Variants in TESPA1 observed in about 807,000 individuals in gnomAD.
TESPA1 encodes the protein thymocyte expressed, positive selection associated 1, also known as protein TESPA1.
A neutral mutation model predicts 57.9 loss-of-function variants in TESPA1; 33 were observed. The ratio of observed to expected loss-of-function variants is 0.57; its 90% CI spans 0.43 to 0.76. The LOEUF (loss-of-function observed/expected upper bound fraction) is 0.76, where lower values mean the gene tolerates loss of function less well. Among genes scored for constraint, TESPA1 ranks in the 30% least tolerant of loss-of-function variants. The pLI is 0.00. For synonymous variants in TESPA1, 227 were observed against 228.9 expected (o/e 0.99, Z 0.07); for missense variants, 618 against 632.9 (o/e 0.98, Z 0.25).
chr12:54,973,702 T>C, intron 2 of TESPA1, 183 bp from the exon 3 acceptor site: 1 of 1,343,122 alleles, frequency 7.4e-7, no homozygotes, highest in African/African-American at 1.5e-5. Context: ...AGATATTTCT[T>C]CTCTCTCTCT....
chr12:54,966,457 T>A (rs376769236), intron 5 of TESPA1, 33 bp from the exon 6 acceptor site: 102 of 1,606,866 alleles, frequency 6.3e-5, no homozygotes, highest in Middle Eastern at 5.0e-4. Context: ...AAGAGCAAAT[T>A]AGAAGGGAAA....
intron 10 of TESPA1, among the ~76,000 whole-genome samples, chr12:54,959,870 C>G (rs569544197): frequency 6.6e-6 from 1 of 152,152 alleles, no homozygotes; most frequent in Non-Finnish European, 1.5e-5. Flanking sequence ...CATATTGATG[C>G]CTTCTGCTAT....
At position 54,951,957 on chromosome 12, in the gene TESPA1, A is replaced by G. The variant is rs141757699; in HGVS notation, c.*2-1567T>C. Among the ~76,000 whole-genome samples, 21 of 144,074 alleles carry G rather than the reference A, an allele frequency of 1.5e-4. No individual in the cohort carries two copies. The East Asian group carries it at 6.6e-3, about 46-fold the overall frequency. 94.5% of individuals were successfully genotyped at this position (144,074 alleles called of 152,430 possible). A position where few individuals can be genotyped will look rare whatever the true frequency, so the allele number is the denominator to read the frequency against. ...TAAGCCTTGAACTCCAAAAAGCTCA[A>G]TTCCTAGATTCCTTTATCCAAACTG... On this transcript the variant is annotated intron_variant, in intron 10 of 10. Coordinates refer to ENST00000449076, the MANE Select transcript of TESPA1 (RefSeq NM_001136030.3).
intron 1 of TESPA1, among the ~76,000 whole-genome samples, chr12:54,980,089 AC>A (rs576688604): frequency 5.9e-5 from 9 of 152,284 alleles, no homozygotes; most frequent in African/African-American, 1.9e-4. Context: ...TTTTCCACTG[AC>A]ATTAGAATAA....
chr12:54,966,840 A>G (rs1450969705), intron 5 of TESPA1, among the ~76,000 whole-genome samples: 1 of 152,140 alleles, frequency 6.6e-6, no homozygotes. Flanking sequence ...TCTATTTTAC[A>G]TCCAATGCAC....
At chr12:54,971,323 T>C (rs1592397426) in intron 3 of TESPA1, among the ~76,000 whole-genome samples, 1 of 152,378 alleles carries the variant, frequency 6.6e-6, no homozygotes, top group East Asian at 1.9e-4. Flanking sequence ...AATACTGTGG[T>C]AATTTAGAAT....
At chr12:54,974,294 G>T in intron 2 of TESPA1, 106 bp downstream of exon 2, 1 of 992,610 alleles carries the variant, frequency 1.0e-6, no homozygotes. Flanking sequence ...AGTCCTCCCT[G>T]AGGGCCTGGC....
intron 1 of TESPA1, among the ~76,000 whole-genome samples, chr12:54,980,210 C>T (rs1488041): frequency 0.22 from 34,046 of 151,962 alleles, 4,859 homozygotes; most frequent in East Asian, 0.68. Context: ...ATCTTATAGT[C>T]TAGTAGAGAA....
In TESPA1 at chr12:54,962,817, C is replaced by T. The variant is rs775487994; in HGVS notation, c.1081G>A (p.Val361Ile). ...TGTGTTTCCTCTTCACAGCAGAAGA[C>T]ACATGGATAGGGAGAAGTGGGCAAC... ...KKLPTSPYPC[V>I]FCCEEETQQR... The change falls in exon 9 of 11, where the codon GTC becomes ATC. Residue 361 changes from valine (V) to isoleucine (I), a missense_variant. Coordinates refer to ENST00000449076, the MANE Select transcript of TESPA1 (RefSeq NM_001136030.3). 7 of 1,613,886 alleles carry T rather than the reference C, an allele frequency of 4.3e-6. No homozygotes were observed. In the East Asian group the frequency reaches 1.6e-4, roughly 36 times the overall value.
chr12:54,958,674 G>A (rs530896594), intron 10 of TESPA1, among the ~76,000 whole-genome samples: 1 of 151,862 alleles, frequency 6.6e-6, no homozygotes, highest in East Asian at 1.9e-4. Flanking sequence ...TTTTGTAACT[G>A]TCCCACATTT....
At chr12:54,958,553 T>G (rs1014870793) in intron 10 of TESPA1, among the ~76,000 whole-genome samples, 2 of 152,116 alleles carry the variant, frequency 1.3e-5, no homozygotes, top group African/African-American at 4.8e-5. Flanking sequence ...TGTGGTTTGG[T>G]ATCTGACATT....
At chr12:54,982,274 T>C (rs1043530388) in intron 1 of TESPA1, among the ~76,000 whole-genome samples, 8 of 152,202 alleles carry the variant, frequency 5.3e-5, no homozygotes, top group Non-Finnish European at 1.0e-4. Flanking sequence ...TTTCCCTGAG[T>C]ATAATATTTG....
chr12:54,952,323 T>C (rs574101430), intron 10 of TESPA1, among the ~76,000 whole-genome samples: 1 of 152,256 alleles, frequency 6.6e-6, no homozygotes, highest in Non-Finnish European at 1.5e-5. Context: ...TAATGTTCTA[T>C]TATAGCAACA....
At chr12:54,969,315 G>A (rs1179198687) in intron 3 of TESPA1, among the ~76,000 whole-genome samples, 3 of 151,654 alleles carry the variant, frequency 2.0e-5, no homozygotes, top group Non-Finnish European at 2.9e-5. Flanking sequence ...ACAAACATGT[G>A]TAACTGTAAT....
intron 10 of TESPA1, among the ~76,000 whole-genome samples, chr12:54,952,800 A>C (rs1950479857): frequency 6.6e-6 from 1 of 151,926 alleles, no homozygotes; most frequent in South Asian, 2.1e-4. Flanking sequence ...CTTTTTGAAA[A>C]TTATACTTTA....
chr12:54,956,492 A>G (rs149277104), intron 10 of TESPA1, among the ~76,000 whole-genome samples: 25 of 152,334 alleles, frequency 1.6e-4, no homozygotes, highest in Non-Finnish European at 5.9e-5. Flanking sequence ...AAACCAATAG[A>G]AAGGGCTGTG....
At chr12:54,980,804 G>C (rs969611283) in intron 1 of TESPA1, among the ~76,000 whole-genome samples, 1 of 152,138 alleles carries the variant, frequency 6.6e-6, no homozygotes, top group African/African-American at 2.4e-5. Context: ...TTTCTTTAAA[G>C]TTCAGAGTGT....
chr12:54,962,523 T>C lies in TESPA1; in HGVS notation c.1375A>G (p.Ile459Val), dbSNP rs201793282. Residue 459 changes from isoleucine to valine, a missense_variant, in exon 9 of 11, where the codon ATC becomes GTC. Physicochemically the swap from Ile to Val is conservative, Grantham distance 29. Around this residue, in one of 3 missense-constraint regions of TESPA1, gnomAD observed 409 missense variants for 420.1 expected, o/e 0.97. Transcript: ENST00000449076. ...GRKVKSLDLS[I>V]TQQKWKQSVD... The stretch of plus-strand genomic sequence containing the variant: ...CTCTGCTTCCATTTCTGCTGGGTGA[T>C]GGACAGGTCCAAGGACTTAACCTTC... 1.8e-5 allele frequency: 29 copies of C among 1,613,692 alleles called. No individual in the cohort carries two copies. In the East Asian group the frequency reaches 6.5e-4, roughly 36 times the overall value.
At chr12:54,955,548 A>G (rs2136044840) in intron 10 of TESPA1, among the ~76,000 whole-genome samples, 1 of 152,366 alleles carries the variant, frequency 6.6e-6, no homozygotes, top group South Asian at 2.1e-4. Context: ...ACTGTGAGTG[A>G]CAAATGATTC....
Sources: allele counts gnomAD v4.1 joint callset (sites outside exome capture counted in the v4.1 genomes callset), GRCh38; gene constraint gnomAD v4.1.1; regional missense constraint gnomAD v4.1.1; transcripts MANE v1.5; gene names NCBI Gene and HGNC (gene_info 2026-07-23, HGNC 2026-07-21).